PARP9: variants seen among roughly 807,000 people sequenced by gnomAD.
The protein encoded by PARP9 is poly(ADP-ribose) polymerase family member 9.
A neutral mutation model predicts 68.8 loss-of-function variants in PARP9; 48 were observed. The observed-to-expected ratio is 0.70, with a 90% CI of 0.55 to 0.89. The LOEUF (loss-of-function observed/expected upper bound fraction) is 0.89, where lower values mean the gene tolerates loss of function less well. Among genes scored for constraint, PARP9 ranks in the 40% least tolerant of loss-of-function variants. The pLI is 0.00. For missense variants in PARP9, 806 were observed against 969.3 expected, an observed-to-expected ratio of 0.83 and a Z score of 2.24; for synonymous variants, 309 against 333.8, an observed-to-expected ratio of 0.93 and a Z score of 0.81.
At chr3:122,553,699 T>C (rs1177226432) in intron 4 of PARP9, among the ~76,000 whole-genome samples, 4 of 152,170 alleles carry the variant, frequency 2.6e-5, no homozygotes, top group Non-Finnish European at 5.9e-5. Flanking sequence ...TTTACCAGTG[T>C]CTAAGACTAT....
At chr3:122,532,385 A>G in intron 10 of PARP9, 1 of 985,046 alleles carries the variant, frequency 1.0e-6, no homozygotes. Flanking sequence ...AAGCCAGACA[A>G]CCCTCCCCAC....
At chr3:122,552,148 G>A (rs2079254844) in intron 5 of PARP9, among the ~76,000 whole-genome samples, 1 of 151,776 alleles carries the variant, frequency 6.6e-6, no homozygotes, top group Admixed American at 6.6e-5. Flanking sequence ...TCAGACTCCT[G>A]GGCTCAAGTG....
intron 9 of PARP9, 143 bp downstream of exon 9, chr3:122,536,791 T>C: frequency 1.0e-6 from 1 of 990,334 alleles, no homozygotes; most frequent in Non-Finnish European, 1.5e-6. Context: ...CCTGCCCTGC[T>C]CTCTTTTCAG....
At chr3:122,529,234 TAAAAAAAAAAAAA>T (rs59705545) in intron 10 of PARP9, among the ~76,000 whole-genome samples, 18 of 77,264 alleles carry the variant, frequency 2.3e-4, no homozygotes, top group African/African-American at 9.1e-4. Context: ...GCGAAACTCT[TAAAAAAAAAAAAA>T]AAAAAAAAAA....
chr3:122,539,506 C>CCTTTCTTTCTTTCTTT (rs1559818279), intron 8 of PARP9, among the ~76,000 whole-genome samples: 16 of 125,900 alleles, frequency 1.3e-4, no homozygotes, highest in African/African-American at 3.9e-4. Flanking sequence ...CCCAAGATGG[C>CCTTTCTTTCTTTCTTT]ATTTCTTTCT....
chr3:122,550,872 G>T, intron 5 of PARP9, 70 bp from the exon 6 acceptor site: 1 of 1,369,774 alleles, frequency 7.3e-7, no homozygotes, highest in Non-Finnish European at 1.0e-6. Flanking sequence ...CCTTGATCCT[G>T]CCCATATTTT....
In PARP9 at chr3:122,540,867, A is replaced by G; in HGVS notation, c.1385-15T>C. On this transcript the variant is annotated splice_polypyrimidine_tract_variant and intron_variant, in intron 7 of 10. Coordinates refer to ENST00000682323, the MANE Select transcript of PARP9 (RefSeq NM_001146105.2). ...TGACTGGGGGACTGAAATGACTATA[A>G]TAAGCAACCATGGAAGACTAGCAGT... 1 of 1,591,284 alleles carries G rather than the reference A, an allele frequency of 6.3e-7. No homozygotes were observed. Among genetic ancestry groups the G allele is most frequent in the Non-Finnish European group, 8.5e-7 (1 of 1,172,204 alleles).
chr3:122,541,338 G>C (rs1415877801), intron 7 of PARP9, among the ~76,000 whole-genome samples: 1 of 152,180 alleles, frequency 6.6e-6, no homozygotes, highest in East Asian at 1.9e-4. Flanking sequence ...AACCTGTATC[G>C]TTTACAGCCT....
At chr3:122,540,042 A>C (rs2078074118) in intron 8 of PARP9, among the ~76,000 whole-genome samples, 1 of 152,244 alleles carries the variant, frequency 6.6e-6, no homozygotes, top group African/African-American at 2.4e-5. Flanking sequence ...GCTCAAGGTA[A>C]GTAATTTTAG....
At chr3:122,564,443 G>C (rs1212568350), upstream of PARP9, 1 of 1,610,446 alleles carries the variant, frequency 6.2e-7, no homozygotes, top group African/African-American at 1.3e-5. Flanking sequence ...TCCCACCTGC[G>C]CCCGCCGTCC....
upstream of PARP9, chr3:122,564,418 C>A (rs1339513289): frequency 1.9e-6 from 3 of 1,604,974 alleles, no homozygotes; most frequent in East Asian, 2.3e-5. Context: ...CCTCCCGACG[C>A]GCAGAGCCAT....
intron 3 of PARP9, 41 bp downstream of exon 3, chr3:122,558,393 A>G: frequency 1.2e-6 from 2 of 1,614,196 alleles, no homozygotes; most frequent in Non-Finnish European, 1.7e-6. Flanking sequence ...AGATCTGAGC[A>G]AAGACTTTCT....
At chr3:122,536,574 C>T (rs2077660165) in intron 9 of PARP9, 1 of 743,492 alleles carries the variant, frequency 1.3e-6, no homozygotes, top group Admixed American at 3.3e-5. Flanking sequence ...AACAAAAATT[C>T]ACTGACCTAG....
At chr3:122,547,573 C>T (rs1233353540) in intron 6 of PARP9, among the ~76,000 whole-genome samples, 2 of 151,956 alleles carry the variant, frequency 1.3e-5, no homozygotes, top group East Asian at 3.9e-4. Context: ...AGTTCAGGGG[C>T]TGGGCACGGT....
chr3:122,557,405 A>G (rs1370980467), intron 3 of PARP9, among the ~76,000 whole-genome samples: 1 of 152,234 alleles, frequency 6.6e-6, no homozygotes, highest in East Asian at 1.9e-4. Flanking sequence ...AATTAAAACT[A>G]ATTGACTAAA....
Position 122,547,064 on chromosome 3 carries a change from AC to A in PARP9, c.1327-1576del, listed in dbSNP as rs1431524389. Among the ~76,000 whole-genome samples the A allele has an allele frequency of 7.7e-5, 10 of 130,640 alleles. No individual in the cohort carries two copies. In the Admixed American group the frequency reaches 7.8e-4, roughly 10 times the overall value. The allele number at this position is 130,640 out of a possible 152,430, so 85.7% of individuals were successfully genotyped here. On this transcript the variant is annotated intron_variant, in intron 6 of 10. Transcript: ENST00000682323. ...TACATACACACATATATATACACAT[AC>A]ATATATACACACACACACACATATA...
At chr3:122,556,930 C>T (rs1255367970) in intron 3 of PARP9, among the ~76,000 whole-genome samples, 1 of 152,198 alleles carries the variant, frequency 6.6e-6, no homozygotes, top group Non-Finnish European at 1.5e-5. Flanking sequence ...CATCCTCCCA[C>T]CTCAGCCTCC....
chr3:122,545,558 C>T (rs1448472461), intron 6 of PARP9, 69 bp from the exon 7 acceptor site: 1 of 1,418,982 alleles, frequency 7.0e-7, no homozygotes, highest in Non-Finnish European at 1.0e-6. Context: ...AAGTCTCCCT[C>T]TCTGCACACA....
chr3:122,562,418 C>T (rs983346442), intron 1 of PARP9, among the ~76,000 whole-genome samples: 6 of 150,898 alleles, frequency 4.0e-5, no homozygotes, highest in Non-Finnish European at 5.9e-5. Flanking sequence ...TGGTCTCGAT[C>T]TCCTGACCTC....
Sources: allele counts gnomAD v4.1 joint callset (sites outside exome capture counted in the v4.1 genomes callset), GRCh38; gene constraint gnomAD v4.1.1; transcripts MANE v1.5; gene names NCBI Gene and HGNC (gene_info 2026-07-23, HGNC 2026-07-21).